Variants in SATB2 observed in about 807,000 individuals in gnomAD.
SATB2 encodes the protein SATB homeobox 2, also known as DNA-binding protein SATB2.
In SATB2, 1 loss-of-function variant was observed where a neutral mutation model predicts 73.4. That is an observed-to-expected ratio of 0.01 (90% CI 0.00 to 0.06). The LOEUF (loss-of-function observed/expected upper bound fraction) is 0.06. SATB2 is among the 10% of genes least tolerant of loss of function. The pLI, the probability that SATB2 is intolerant of heterozygous loss-of-function variation, is 1.00. For synonymous variants in SATB2, 397 were observed against 367.0 expected (o/e 1.08, Z -0.93); for missense variants, 459 against 945.8 (o/e 0.49, Z 6.75).
chr2:199,325,333 G>A (rs1214148392), intron 8 of SATB2: 1 of 152,022 alleles, frequency 6.6e-6, no homozygotes, highest in Non-Finnish European at 1.5e-5. Flanking sequence ...TGAAATAAAA[G>A]AGGATCTTAA....
At chr2:199,320,302 C>G (rs1270269536) in intron 9 of SATB2, among the ~76,000 whole-genome samples, 1 of 152,142 alleles carries the variant, frequency 6.6e-6, no homozygotes, top group Non-Finnish European at 1.5e-5. Context: ...TCTGAGTATT[C>G]TGCAGACAGA....
chr2:199,429,930 A>G (rs1691450487), intron 3 of SATB2, among the ~76,000 whole-genome samples: 1 of 152,196 alleles, frequency 6.6e-6, no homozygotes. Flanking sequence ...AATTAATTAA[A>G]TTAATCAACA....
intron 3 of SATB2, among the ~76,000 whole-genome samples, chr2:199,426,692 C>CAAAAAAAAAAAAAAAAA (rs200293007): frequency 2.3e-5 from 3 of 128,250 alleles, no homozygotes; most frequent in South Asian, 2.5e-4. Context: ...CATTCTCTCT[C>CAAAAAAAAAAAAAAAAA]AAAAAAAAAA....
At chr2:199,331,447 A>C (rs1332915054) in intron 7 of SATB2, among the ~76,000 whole-genome samples, 1 of 152,156 alleles carries the variant, frequency 6.6e-6, no homozygotes, top group Non-Finnish European at 1.5e-5. Flanking sequence ...ATAAAGTCTC[A>C]AACCAACAAG....
rs1224039303 is a variant in SATB2, at chr2:199,463,975, A to G, written c.-141+861T>C. Among the ~76,000 whole-genome samples, 4 of 152,118 alleles carry G rather than the reference A, an allele frequency of 2.6e-5. No individual in the cohort carries two copies. The highest frequency in any genetic ancestry group is 2.6e-4 in the Admixed American group (4 of 15,288). On this transcript the variant is annotated intron_variant, in intron 1 of 11. Coordinates refer to the SATB2 transcript ENST00000260926. This position sits in a 1 kb window ranked among gnomAD's most constrained non-coding sequence, Gnocchi z 6.4. ...TATGGGCCCACGCCGGTCTTGAACC[A>G]AGCGGAGAGGGCGAAAAAGCCCGCT...
chr2:199,450,192 T>A lies in SATB2; in HGVS notation c.169+5677A>T, dbSNP rs185741789. ...CCCTTATGCATTCTCACACAACTCA[T>A]GAAATAATATGAAACAGTATTATAT... On this transcript the variant is annotated intron_variant, in intron 2 of 10. Coordinates refer to ENST00000417098, the MANE Select transcript of SATB2 (RefSeq NM_001172509.2). Among the ~76,000 whole-genome samples the A allele has an allele frequency of 4.2e-4, 64 of 152,220 alleles. 1 individual carries two copies. In the Middle Eastern group the frequency reaches 0.024, roughly 57 times the overall value.
In SATB2 at chr2:199,270,443, A is replaced by G. The variant is rs567040204; in HGVS notation, c.*1768T>C. 6.6e-6 allele frequency: 1 copy of G among 152,626 alleles called. No individual in the cohort carries two copies. Among genetic ancestry groups the G allele is most frequent in the Non-Finnish European group, 1.5e-5 (1 of 67,994 alleles). The allele number at this position is 152,626 out of a possible 1,614,324, so 9.5% of individuals were successfully genotyped here. On this transcript the variant is annotated 3_prime_UTR_variant, in exon 11 of 11. Transcript: ENST00000417098. Reference sequence around the variant, plus strand: ...AGTTATATTACAATGTTTGTGTAGTAAACAGAAAATAACTTTCAAAGTGAT... The same window carrying G: ...AGTTATATTACAATGTTTGTGTAGTGAACAGAAAATAACTTTCAAAGTGAT...
At chr2:199,466,029 A>G (rs1692585951), upstream of SATB2, among the ~76,000 whole-genome samples, 1 of 152,146 alleles carries the variant, frequency 6.6e-6, no homozygotes, top group Non-Finnish European at 1.5e-5. Context: ...TTCCACTTTT[A>G]GCTAGAAAAG....
chr2:199,315,887 C>T (rs1687719445), intron 9 of SATB2, among the ~76,000 whole-genome samples: 1 of 152,044 alleles, frequency 6.6e-6, no homozygotes, highest in Non-Finnish European at 1.5e-5. Flanking sequence ...AAGTAGCCCC[C>T]ACTCCCTTTG....
chr2:199,434,961 A>T (rs1691609336), intron 2 of SATB2, among the ~76,000 whole-genome samples: 1 of 152,198 alleles, frequency 6.6e-6, no homozygotes, highest in African/African-American at 2.4e-5. Context: ...TAATTATTAA[A>T]TATAATCCTT....
At chr2:199,349,632 A>T (rs1470104076) in intron 6 of SATB2, among the ~76,000 whole-genome samples, 1 of 152,194 alleles carries the variant, frequency 6.6e-6, no homozygotes, top group Non-Finnish European at 1.5e-5. Context: ...AGCTCACATA[A>T]ATATTATTAT....
intron 5 of SATB2, chr2:199,369,093 C>T: frequency 1.0e-5 from 2 of 195,424 alleles, no homozygotes; most frequent in Non-Finnish European, 1.1e-5. Flanking sequence ...AACAAGCTTA[C>T]ACAGCCAAGA....
intron 6 of SATB2, among the ~76,000 whole-genome samples, chr2:199,356,721 C>T (rs1688995111): frequency 6.6e-6 from 1 of 152,014 alleles, no homozygotes; most frequent in Non-Finnish European, 1.5e-5. Flanking sequence ...AGTTCTAAAG[C>T]CTAAATGTTT....
At chr2:199,358,390 G>A (rs561599586) in intron 6 of SATB2, among the ~76,000 whole-genome samples, 75 of 151,892 alleles carry the variant, frequency 4.9e-4, no homozygotes, top group Non-Finnish European at 8.0e-4. Flanking sequence ...CCATTAAAAC[G>A]AACAAATAAA....
At chr2:199,387,349 G>A (rs557870529) in intron 3 of SATB2, among the ~76,000 whole-genome samples, 44 of 152,282 alleles carry the variant, frequency 2.9e-4, no homozygotes, top group Non-Finnish European at 5.1e-4. Context: ...CACACATCAG[G>A]CAGTGTCTGG....
intron 8 of SATB2, among the ~76,000 whole-genome samples, chr2:199,324,664 T>C (rs1687982461): frequency 6.6e-6 from 1 of 152,162 alleles, no homozygotes; most frequent in African/African-American, 2.4e-5. Context: ...CAGAGACAAA[T>C]GAAGGACAAT....
intron 10 of SATB2, among the ~76,000 whole-genome samples, chr2:199,286,135 G>GA (rs10570313): frequency 7.3e-5 from 11 of 149,914 alleles, no homozygotes; most frequent in South Asian, 2.1e-4. Context: ...ATAGTTTGGG[G>GA]AAAAAAAAAA....
At chr2:199,433,040 G>A (rs190776300) in intron 3 of SATB2, among the ~76,000 whole-genome samples, 1 of 152,274 alleles carries the variant, frequency 6.6e-6, no homozygotes, top group Non-Finnish European at 1.5e-5. Flanking sequence ...GGATAAGTCA[G>A]GAGTTAAATA....
chr2:199,357,635 C>T lies in SATB2; in HGVS notation c.701-8462G>A, dbSNP rs550717090. On this transcript the variant is annotated intron_variant, in intron 6 of 10. Transcript: ENST00000417098. ...TAGCTCCTTTAAATTCCTATTTTGT[C>T]AGTTTATTAGCAATTCATTCCAGTC... Among the ~76,000 whole-genome samples, 4 of 152,138 alleles carry T rather than the reference C, an allele frequency of 2.6e-5. No homozygotes were observed. In the East Asian group the frequency reaches 7.7e-4, roughly 29 times the overall value.
Sources: allele counts gnomAD v4.1 joint callset (sites outside exome capture counted in the v4.1 genomes callset), GRCh38; gene constraint gnomAD v4.1.1; non-coding constraint Gnocchi (gnomAD v3.1); transcripts MANE v1.5; gene names NCBI Gene and HGNC (gene_info 2026-07-23, HGNC 2026-07-21).